Variants in COBLL1 observed in about 807,000 individuals in gnomAD.
COBLL1 encodes the protein cordon-bleu WH2 repeat protein like 1, also known as cordon-bleu protein-like 1.
In COBLL1, 50 loss-of-function variants were observed where a neutral mutation model predicts 94.8. That is an observed-to-expected ratio of 0.53 (90% CI 0.42 to 0.67). COBLL1 has a LOEUF of 0.67. Ranked by LOEUF, COBLL1 falls within the 30% of genes least tolerant of loss-of-function variation. The probability of loss-of-function intolerance (pLI) is 0.00; values close to 1 mark genes in which losing one functional copy is unlikely to be tolerated. For synonymous variants in COBLL1, 448 were observed against 473.8 expected (o/e 0.95, Z 0.71); for missense variants, 1,362 against 1,348.7 (o/e 1.01, Z -0.15).
At chr2:164,755,181 A>C (rs189991995) in intron 2 of COBLL1, among the ~76,000 whole-genome samples, 1 of 151,994 alleles carries the variant, frequency 6.6e-6, no homozygotes, top group South Asian at 2.1e-4. Context: ...ATATATGAAA[A>C]TTTTTTTAAA....
intron 2 of COBLL1, among the ~76,000 whole-genome samples, chr2:164,780,437 G>A (rs1399575647): frequency 6.6e-6 from 1 of 152,006 alleles, no homozygotes; most frequent in East Asian, 1.9e-4. Flanking sequence ...AAAGACATAT[G>A]TTCTTTTTTT....
At chr2:164,740,665 A>G (rs1244470573) in intron 3 of COBLL1, among the ~76,000 whole-genome samples, 6 of 152,202 alleles carry the variant, frequency 3.9e-5, no homozygotes, top group Non-Finnish European at 8.8e-5. Flanking sequence ...CTATAAAGAA[A>G]AGTAATGATA....
In COBLL1 at chr2:164,728,074, G is replaced by A; in HGVS notation, c.556C>T (p.His186Tyr). The A allele has an allele frequency of 6.2e-7, 1 of 1,613,636 alleles. No individual in the cohort carries two copies. The highest frequency in any genetic ancestry group is 1.1e-5 in the South Asian group (1 of 91,078). The change falls in exon 5 of 14, where the codon CAT (histidine) becomes TAT (tyrosine). Residue 186 changes from histidine (H) to tyrosine (Y), a missense_variant. Coordinates refer to ENST00000652658, the MANE Select transcript of COBLL1 (RefSeq NM_001365672.2). The part of the protein sequence containing the change: ...ICSKCEFDPL[H>Y]TLLLKDYQSQ... ...TGATAATCTTTCAACAATAGTGTAT[G>A]CAACGGATCAAACTCACATTTGCTA...
chr2:164,756,640 G>T (rs1687421855), intron 2 of COBLL1, among the ~76,000 whole-genome samples: 1 of 152,046 alleles, frequency 6.6e-6, no homozygotes, highest in African/African-American at 2.4e-5. Flanking sequence ...CACTGTTTTT[G>T]GTGGGGACAT....
intron 12 of COBLL1, among the ~76,000 whole-genome samples, chr2:164,693,132 A>T (rs577026314): frequency 6.6e-6 from 1 of 152,248 alleles, no homozygotes; most frequent in South Asian, 2.1e-4. Context: ...AAAATGAGCC[A>T]AACAGGGCTC....
In COBLL1 at chr2:164,695,152, T is replaced by G; in HGVS notation, c.2240A>C (p.Asp747Ala). 1 of 1,614,022 alleles carries G rather than the reference T, an allele frequency of 6.2e-7. No individual in the cohort carries two copies. Among genetic ancestry groups the G allele is most frequent in the Non-Finnish European group, 8.5e-7 (1 of 1,179,950 alleles). ...ATACTCTATGGTTTCTGATTGCCAG[T>G]CTTTCGATATTTCCAAGGATTTGGG... is the stretch of plus-strand genomic sequence containing the variant. ...VPPKSLEISKDWQSETIEYKD... is the reference protein window; with the variant it reads ...VPPKSLEISKAWQSETIEYKD... The change falls in exon 12 of 14, where the codon GAC becomes GCC. Residue 747 changes from aspartate to alanine, a missense_variant. Transcript: ENST00000652658.
At chr2:164,826,002 G>C (rs1574659488) in intron 2 of COBLL1, among the ~76,000 whole-genome samples, 4 of 152,216 alleles carry the variant, frequency 2.6e-5, no homozygotes, top group South Asian at 4.1e-4. Flanking sequence ...GATTAGAATG[G>C]GTGTCTCAAG....
intron 13 of COBLL1, chr2:164,687,660 C>T (rs1282869548): frequency 3.6e-6 from 3 of 830,100 alleles, no homozygotes; most frequent in Non-Finnish European, 6.2e-6. Context: ...ATCAAGGTCC[C>T]TTAGAGCAAC....
At chr2:164,704,584 T>A in intron 8 of COBLL1, 66 bp from the exon 9 acceptor site, 1 of 1,294,570 alleles carries the variant, frequency 7.7e-7, no homozygotes, top group Non-Finnish European at 1.1e-6. Flanking sequence ...CTTAACAGTT[T>A]AACTTAGTTA....
intron 3 of COBLL1, among the ~76,000 whole-genome samples, chr2:164,740,847 A>G (rs188522726): frequency 1.5e-4 from 23 of 152,336 alleles, no homozygotes; most frequent in African/African-American, 5.3e-4. Context: ...CCTGAGCTAT[A>G]TAAACTAACT....
At position 164,721,104 on chromosome 2, in the gene COBLL1, A is replaced by AT. The variant is rs542167645; in HGVS notation, c.996+970dup. Among the ~76,000 whole-genome samples the AT allele has an allele frequency of 8.5e-5, 13 of 152,242 alleles. No homozygotes were observed. The South Asian group carries it at 2.7e-3, about 32-fold the overall frequency. On this transcript the variant is annotated intron_variant, in intron 7 of 13. Coordinates refer to ENST00000652658, the MANE Select transcript of COBLL1 (RefSeq NM_001365672.2). The stretch of plus-strand genomic sequence containing the variant: ...AAACTACATTTTAAAACTATGGTTA[A>AT]TTTTTTTTAAGTAAAGGAAGCACAG...
At chr2:164,671,123 T>C (rs369731821) in intron 1 of COBLL1, among the ~76,000 whole-genome samples, 5 of 152,308 alleles carry the variant, frequency 3.3e-5, no homozygotes, top group Non-Finnish European at 4.4e-5. Context: ...CCTTTCTATA[T>C]ATAATGCTGC....
In COBLL1 at chr2:164,692,371, C is replaced by T. The variant is rs1394392921; in HGVS notation, c.3150G>A (p.Gln1050=). The T allele has an allele frequency of 3.1e-6, 5 of 1,611,368 alleles. No homozygotes were observed. The Admixed American group carries it at 5.0e-5, about 16-fold the overall frequency. The change falls in exon 13 of 14, where the codon CAG becomes CAA. Residue 1050 remains glutamine (Q), a synonymous_variant. Transcript: ENST00000652658. ...CAGTTGGAGTTGGTATTTGGGAATT[C>T]TGTTCATTATGTGCAGAGTTATTTT... is the stretch of plus-strand genomic sequence containing the variant. ...DKENNSAHNE[Q]NSQIPTPTDG...
intron 1 of COBLL1, among the ~76,000 whole-genome samples, chr2:164,668,325 G>A (rs1691196972): frequency 6.6e-6 from 1 of 152,166 alleles, no homozygotes; most frequent in African/African-American, 2.4e-5. Flanking sequence ...TTGGTACAAA[G>A]TGAGAGCCTT....
At position 164,796,725 on chromosome 2, in the gene COBLL1, A is replaced by AAAAC. The variant is rs756287598; in HGVS notation, c.41+44430_41+44431insGTTT. 2.7e-4 allele frequency among the ~76,000 whole-genome samples: 39 copies of AAAAC among 143,806 alleles called. 1 individual carries two copies. Among genetic ancestry groups the AAAAC allele is most frequent in the South Asian group, 6.7e-4 (3 of 4,492 alleles). The allele number at this position is 143,806 out of a possible 152,430, so 94.3% of individuals were successfully genotyped here. A position where few individuals can be genotyped will look rare whatever the true frequency, so the allele number is the denominator to read the frequency against. On this transcript the variant is annotated intron_variant, in intron 2 of 13. Coordinates refer to ENST00000652658, the MANE Select transcript of COBLL1 (RefSeq NM_001365672.2). ...CCTTCCAAAAAAAAAAAAAAAAAAA[A>AAAAC]AGGAGAGGGAAGGTCAAGGGGGAAG...
chr2:164,807,529 C>G (rs1684235171), intron 2 of COBLL1, among the ~76,000 whole-genome samples: 1 of 151,102 alleles, frequency 6.6e-6, no homozygotes, highest in Non-Finnish European at 1.5e-5. Context: ...TACATCCTCT[C>G]CATATATTTG....
At chr2:164,708,668 A>G (rs1684729810) in intron 7 of COBLL1, among the ~76,000 whole-genome samples, 1 of 152,218 alleles carries the variant, frequency 6.6e-6, no homozygotes, top group Non-Finnish European at 1.5e-5. Flanking sequence ...ATGTGATTTT[A>G]TTTCTCGGAT....
chr2:164,694,897 T>C lies in COBLL1; in HGVS notation c.2495A>G (p.Asp832Gly). The C allele has an allele frequency of 6.2e-7, 1 of 1,613,940 alleles. No individual in the cohort carries two copies. The highest frequency in any genetic ancestry group is 8.5e-7 in the Non-Finnish European group (1 of 1,179,934). Reference protein sequence around the residue: ...PLKPAPKMTRDTGTAPFAPNL... With the variant: ...PLKPAPKMTRGTGTAPFAPNL... ...TGGTGCAAAAGGAGCTGTGCCAGTGTCTCTTGTCATTTTGGGAGCAGGTTT... is the reference window on the plus strand; with the variant it reads ...TGGTGCAAAAGGAGCTGTGCCAGTGCCTCTTGTCATTTTGGGAGCAGGTTT... Residue 832 changes from aspartate (D) to glycine (G), a missense_variant, in exon 12 of 14, where the codon GAC becomes GGC. Asp to Gly is a moderately conservative substitution (Grantham distance 94). Transcript: ENST00000652658.
In COBLL1 at chr2:164,681,036, AT is replaced by A. The variant is rs1456200203; in HGVS notation, c.*4909del. On this transcript the variant is annotated 3_prime_UTR_variant, in exon 14 of 14. Coordinates refer to ENST00000652658, the MANE Select transcript of COBLL1 (RefSeq NM_001365672.2). The stretch of plus-strand genomic sequence containing the variant: ...AAAGTCTGAGGTGTATTTGTGTTGG[AT>A]TTAGTAAGTCATCTGTGAGATTCTG... 6.6e-6 allele frequency: 1 copy of A among 152,128 alleles called. No individual in the cohort carries two copies. The highest frequency in any genetic ancestry group is 1.5e-5 in the Non-Finnish European group (1 of 68,014). The allele number at this position is 152,128 out of a possible 1,614,324, so 9.4% of individuals were successfully genotyped here.
Sources: allele counts gnomAD v4.1 joint callset (sites outside exome capture counted in the v4.1 genomes callset), GRCh38; gene constraint gnomAD v4.1.1; transcripts MANE v1.5; gene names NCBI Gene and HGNC (gene_info 2026-07-23, HGNC 2026-07-21).